SP140L: variants seen among roughly 807,000 people sequenced by gnomAD.
SP140L encodes the protein SP140 like nuclear body protein.
A neutral mutation model predicts 84.3 loss-of-function variants in SP140L; 64 were observed. The observed-to-expected ratio is 0.76, with a 90% CI of 0.62 to 0.94. SP140L has a LOEUF of 0.94. SP140L is among the 40% of genes least tolerant of loss of function. SP140L has a pLI of 0.00. For synonymous variants in SP140L, 242 were observed against 236.9 expected, an observed-to-expected ratio of 1.02 and a Z score of -0.20; for missense variants, 628 against 692.5, an observed-to-expected ratio of 0.91 and a Z score of 1.05.
chr2:230,401,246 C>G, intron 16 of SP140L, 120 bp from the exon 17 acceptor site: 1 of 1,532,762 alleles, frequency 6.5e-7, no homozygotes, highest in South Asian at 1.3e-5. Flanking sequence ...TGTCTGTTTC[C>G]AAGAGCCACA....
At chr2:230,372,355 T>C (rs1559438046) in intron 7 of SP140L, 1 of 151,782 alleles carries the variant, frequency 6.6e-6, no homozygotes, top group Non-Finnish European at 1.5e-5. Context: ...TTAAATAGAG[T>C]GATAGGAAAA....
chr2:230,346,710 G>T (rs1389619020), intron 2 of SP140L, among the ~76,000 whole-genome samples: 1 of 152,068 alleles, frequency 6.6e-6, no homozygotes, highest in African/African-American at 2.4e-5. Flanking sequence ...GTATTTTTTA[G>T]ATCTAGGATT....
At chr2:230,364,870 T>C (rs1055646874) in intron 5 of SP140L, among the ~76,000 whole-genome samples, 4 of 152,122 alleles carry the variant, frequency 2.6e-5, no homozygotes, top group African/African-American at 9.7e-5. Flanking sequence ...TTTTGTCCAA[T>C]GCTTTTTCTG....
chr2:230,392,049 CAA>C, intron 11 of SP140L, 36 bp from the exon 12 acceptor site: 1 of 1,612,294 alleles, frequency 6.2e-7, no homozygotes, highest in Non-Finnish European at 8.5e-7. Context: ...GCGCTGGGAA[CAA>C]AGAGGGCTCA....
chr2:230,331,562 G>A (rs1244058111), intron 2 of SP140L, among the ~76,000 whole-genome samples: 1 of 152,156 alleles, frequency 6.6e-6, no homozygotes, highest in African/African-American at 2.4e-5. Flanking sequence ...TCAACTGAGA[G>A]ACACTAAATG....
chr2:230,329,920 T>C (rs1369094338), intron 2 of SP140L, among the ~76,000 whole-genome samples: 2 of 152,234 alleles, frequency 1.3e-5, no homozygotes, highest in Non-Finnish European at 2.9e-5. Context: ...CAAGCTCCCC[T>C]GTATTCCACA....
rs767508260 is a variant in SP140L, at chr2:230,392,154, A to G, written c.1032A>G (p.Lys344=). ...TCACCCCCATGGAATTTGAAATCAA[A>G]GGAGGCTACGCAAGATCAAAGAACT... ...KWFTPMEFEI[K]GGYARSKNWR... is the part of the protein sequence containing the mutation. The change falls in exon 12 of 19, where the codon AAA becomes AAG. Residue 344 remains lysine (K), a synonymous_variant. Coordinates refer to ENST00000415673, the MANE Select transcript of SP140L (RefSeq NM_138402.6). 3.7e-6 allele frequency: 6 copies of G among 1,614,118 alleles called. No individual in the cohort carries two copies. Among genetic ancestry groups the G allele is most frequent in the Non-Finnish European group, 5.1e-6 (6 of 1,179,960 alleles).
chr2:230,393,455 CA>C lies in SP140L; in HGVS notation c.1154del (p.Lys385ArgfsTer4). On this transcript the variant is annotated frameshift_variant, in exon 13 of 19. Coordinates refer to ENST00000415673, the MANE Select transcript of SP140L (RefSeq NM_138402.6). LOFTEE classifies it high-confidence loss of function. ...ATCCTCCAAGAATATATTACAGGAA[CA>C]AAAAGGTGATTATTACATAATTTTC... ...PNPPRIYYRN[K>X]KRILKSQNNS... The C allele has an allele frequency of 1.3e-6, 2 of 1,573,908 alleles. No individual in the cohort carries two copies. The highest frequency in any genetic ancestry group is 1.7e-6 in the Non-Finnish European group (2 of 1,162,576).
chr2:230,341,776 TG>T, intron 2 of SP140L, among the ~76,000 whole-genome samples: 1 of 152,134 alleles, frequency 6.6e-6, no homozygotes, highest in East Asian at 1.9e-4. Context: ...GTGCCCCTGC[TG>T]GGGGGTGCCT....
chr2:230,389,966 C>T lies in SP140L; in HGVS notation c.907C>T (p.Leu303Phe). ...DETVDFQAPL[L>F]PVTCGGVKGI... is the part of the protein sequence containing the mutation. Reference sequence around the variant, plus strand: ...AACTGTGGATTTTCAGGCTCCTTTACTTCCAGTGACCTGTGGTGGGGTGAA... The same window carrying T: ...AACTGTGGATTTTCAGGCTCCTTTATTTCCAGTGACCTGTGGTGGGGTGAA... The change falls in exon 11 of 19, where the codon CTT (leucine) becomes TTT (phenylalanine). Residue 303 changes from leucine (L) to phenylalanine (F), a missense_variant. Leu to Phe is a conservative substitution (Grantham distance 22). Transcript: ENST00000415673. The T allele has an allele frequency of 6.2e-7, 1 of 1,613,908 alleles. No individual in the cohort carries two copies. Among genetic ancestry groups the T allele is most frequent in the South Asian group, 1.1e-5 (1 of 91,082 alleles).
In SP140L at chr2:230,360,577, G is replaced by A. The variant is rs143169434; in HGVS notation, c.440-1037G>A. 1.2e-3 allele frequency among the ~76,000 whole-genome samples: 190 copies of A among 152,288 alleles called. 2 individuals carry two copies. Among genetic ancestry groups the A allele is most frequent in the African/African-American group, 4.1e-3 (169 of 41,544 alleles). On this transcript the variant is annotated intron_variant, in intron 4 of 18. Coordinates refer to ENST00000415673, the MANE Select transcript of SP140L (RefSeq NM_138402.6). ...TTGTAAGCAGGATGGTCCAGGCTGC[G>A]GGGATGAAGGGAATAGTGTTACATT...
At chr2:230,338,103 G>C (rs1326522922) in intron 2 of SP140L, among the ~76,000 whole-genome samples, 1 of 134,788 alleles carries the variant, frequency 7.4e-6, no homozygotes, top group African/African-American at 2.8e-5. Context: ...CCATTTTCAC[G>C]ATATTGATTC....
At chr2:230,332,684 G>T (rs1462238510) in intron 2 of SP140L, among the ~76,000 whole-genome samples, 1 of 152,154 alleles carries the variant, frequency 6.6e-6, no homozygotes, top group Non-Finnish European at 1.5e-5. Context: ...TTACACATTT[G>T]CTTGGATTTT....
At position 230,387,619 on chromosome 2, in the gene SP140L, C is replaced by T. The variant is rs115454936; in HGVS notation, c.785-940C>T. Among the ~76,000 whole-genome samples, 782 of 152,238 alleles carry T rather than the reference C, an allele frequency of 5.1e-3. 2 individuals are homozygous for T. The highest frequency in any genetic ancestry group is 0.018 in the African/African-American group (746 of 41,528). ...GCCTACATGACCCTGACCAGCATCC[C>T]TAGATGGTGGTCATTGGATGGTGGA... On this transcript the variant is annotated intron_variant, in intron 9 of 18. Transcript: ENST00000415673.
intron 2 of SP140L, among the ~76,000 whole-genome samples, chr2:230,341,808 G>A (rs1004902346): frequency 3.3e-5 from 5 of 152,124 alleles, no homozygotes; most frequent in African/African-American, 1.2e-4. Context: ...CTGTTCGGGG[G>A]TCAGGGGTCA....
intron 13 of SP140L, among the ~76,000 whole-genome samples, chr2:230,395,689 C>T (rs191017868): frequency 7.9e-4 from 120 of 152,300 alleles, no homozygotes; most frequent in Non-Finnish European, 1.2e-3. Context: ...GACAAGGTCA[C>T]CTCTCAGGTG....
At chr2:230,359,712 G>T (rs1346658096) in intron 4 of SP140L, among the ~76,000 whole-genome samples, 1 of 152,134 alleles carries the variant, frequency 6.6e-6, no homozygotes. Context: ...AACAGTCATG[G>T]GTCATTTCTA....
In SP140L at chr2:230,327,301, G is replaced by A. The variant is rs764888313; in HGVS notation, c.32G>A (p.Arg11Lys). The stretch of plus-strand genomic sequence containing the variant: ...GGTGGGGGCAGCGACCTGAGCACCA[G>A]GTGAGTCTTTATCTCTCTTCCTTTC... MAGGGSDLST[R>K]GLNGGVSQVA... is the part of the protein sequence containing the mutation. The change falls in exon 1 of 19, where the codon AGG becomes AAG. Residue 11 changes from arginine to lysine, a missense_variant and splice_region_variant. Arg to Lys is a conservative substitution (Grantham distance 26). Transcript: ENST00000415673. The A allele has an allele frequency of 7.4e-6, 12 of 1,611,360 alleles. No individual in the cohort carries two copies. The South Asian group carries it at 1.3e-4, about 18-fold the overall frequency.
intron 2 of SP140L, among the ~76,000 whole-genome samples, chr2:230,333,645 T>G (rs1357048718): frequency 6.6e-6 from 1 of 152,174 alleles, no homozygotes; most frequent in Non-Finnish European, 1.5e-5. Flanking sequence ...TCATTTTGCT[T>G]GTGATATTAT....
Sources: allele counts gnomAD v4.1 joint callset (sites outside exome capture counted in the v4.1 genomes callset), GRCh38; gene constraint gnomAD v4.1.1; transcripts MANE v1.5; gene names NCBI Gene and HGNC (gene_info 2026-07-23, HGNC 2026-07-21).